COL23A1: variants seen among roughly 807,000 people sequenced by gnomAD.
COL23A1 encodes the protein collagen alpha-1(XXIII) chain.
In COL23A1, 97 loss-of-function variants were observed where a neutral mutation model predicts 99.3. That is an observed-to-expected ratio of 0.98 (90% CI 0.83 to 1.16). The LOEUF is 1.16. Among genes scored for constraint, COL23A1 ranks in the 50% most tolerant of loss-of-function variants. The pLI, the probability that COL23A1 is intolerant of heterozygous loss-of-function variation, is 0.00. For missense variants in COL23A1, 762 were observed against 757.4 expected, an observed-to-expected ratio of 1.01 and a Z score of -0.07; for synonymous variants, 320 against 308.2, an observed-to-expected ratio of 1.04 and a Z score of -0.40.
intron 2 of COL23A1, among the ~76,000 whole-genome samples, chr5:178,488,664 A>G (rs1757761364): frequency 6.6e-6 from 1 of 150,646 alleles, no homozygotes; most frequent in African/African-American, 2.5e-5. Flanking sequence ...AAGCACACAT[A>G]TATGCCTATG....
At chr5:178,490,234 A>C (rs1353557465) in intron 2 of COL23A1, among the ~76,000 whole-genome samples, 1 of 150,964 alleles carries the variant, frequency 6.6e-6, no homozygotes, top group Non-Finnish European at 1.5e-5. Flanking sequence ...CTCAAAAAAA[A>C]CAAAAAACAA....
At chr5:178,360,096 G>A (rs1425337843) in intron 2 of COL23A1, among the ~76,000 whole-genome samples, 2 of 152,180 alleles carry the variant, frequency 1.3e-5, no homozygotes, top group Non-Finnish European at 2.9e-5. Flanking sequence ...CTTCTCAAAT[G>A]TCCTGGGATG....
chr5:178,403,682 T>C (rs1011901161), intron 2 of COL23A1, among the ~76,000 whole-genome samples: 1 of 152,256 alleles, frequency 6.6e-6, no homozygotes, highest in African/African-American at 2.4e-5. Flanking sequence ...AGTTCCTGGC[T>C]GAGATGCCTC....
At chr5:178,521,552 C>CAAAAA (rs5873620) in intron 2 of COL23A1, among the ~76,000 whole-genome samples, 1 of 113,336 alleles carries the variant, frequency 8.8e-6, no homozygotes. Flanking sequence ...GACTCCATCT[C>CAAAAA]AAAAAAAAAA....
chr5:178,246,735 G>C (rs117254498), intron 22 of COL23A1, among the ~76,000 whole-genome samples: 9 of 82,970 alleles, frequency 1.1e-4, no homozygotes, highest in African/African-American at 2.9e-4. Context: ...GGGCGGGGGG[G>C]GGGGGACAGG....
chr5:178,446,871 CAA>C lies in COL23A1; in HGVS notation c.361+113809_361+113810del, dbSNP rs149106212. On this transcript the variant is annotated intron_variant, in intron 2 of 28. Transcript: ENST00000390654. ...AATAGTACACACCTACTGAATGACT[CAA>C]GAGAATTTTTAGGAAAAGCCTTAAC... Among the ~76,000 whole-genome samples, 387 of 152,156 alleles carry C rather than the reference CAA, an allele frequency of 2.5e-3. 2 individuals carry two copies. Among genetic ancestry groups the C allele is most frequent in the African/African-American group, 8.6e-3 (358 of 41,510 alleles).
chr5:178,291,672 G>A (rs1757466376), intron 3 of COL23A1, among the ~76,000 whole-genome samples: 1 of 152,166 alleles, frequency 6.6e-6, no homozygotes, highest in Admixed American at 6.6e-5. Context: ...TCTGCAAGGA[G>A]GAGCGATGGG....
rs1038793205 is a variant in COL23A1, at chr5:178,531,015, G to A, written c.361+29667C>T. 3.9e-5 allele frequency among the ~76,000 whole-genome samples: 6 copies of A among 152,096 alleles called. No homozygotes were observed. The South Asian group carries it at 8.3e-4, about 21-fold the overall frequency. ...CCCAAGTAGCTGGGATTACAGGCAC[G>A]CGCCACCACGCCTGGCTAATTTTGT... On this transcript the variant is annotated intron_variant, in intron 2 of 28. Transcript: ENST00000390654.
chr5:178,501,999 C>A lies in COL23A1; in HGVS notation c.361+58683G>T, dbSNP rs373434550. ...AAGAAGGTGTCAATAGGACAAAGAC[C>A]GACAATCTGATAGGGAATAGGCAAA... On this transcript the variant is annotated intron_variant, in intron 2 of 28. Coordinates refer to ENST00000390654, the MANE Select transcript of COL23A1 (RefSeq NM_173465.4). Among the ~76,000 whole-genome samples the A allele has an allele frequency of 1.2e-4, 19 of 152,280 alleles. 1 individual carries two copies. Among genetic ancestry groups the A allele is most frequent in the African/African-American group, 4.6e-4 (19 of 41,558 alleles).
At position 178,384,591 on chromosome 5, in the gene COL23A1, C is replaced by T. The variant is rs532396683; in HGVS notation, c.362-77672G>A. Reference sequence around the variant, plus strand: ...TCCCTGCTCCTGCGCTGATTCTGCTCCTGCCTCAGAGATCACGGTTTGACA... The same window carrying T: ...TCCCTGCTCCTGCGCTGATTCTGCTTCTGCCTCAGAGATCACGGTTTGACA... On this transcript the variant is annotated intron_variant, in intron 2 of 28. Transcript: ENST00000390654. This position sits in a 1 kb window ranked among gnomAD's most constrained non-coding sequence, Gnocchi z 5.5. 5.3e-5 allele frequency among the ~76,000 whole-genome samples: 8 copies of T among 152,322 alleles called. No homozygotes were observed. In the South Asian group the frequency reaches 8.3e-4, roughly 16 times the overall value.
chr5:178,391,676 G>A (rs944951031), intron 2 of COL23A1, among the ~76,000 whole-genome samples: 1 of 152,062 alleles, frequency 6.6e-6, no homozygotes, highest in Non-Finnish European at 1.5e-5. Flanking sequence ...AGTCTGGCAG[G>A]TGCTCAAATG....
chr5:178,299,733 T>A (rs966473690), intron 3 of COL23A1, among the ~76,000 whole-genome samples: 2 of 151,866 alleles, frequency 1.3e-5, no homozygotes, highest in Admixed American at 6.5e-5. Context: ...TTTTATTTTT[T>A]AATTTTTATT....
chr5:178,578,805 G>A lies in COL23A1; in HGVS notation c.294+11099C>T, dbSNP rs143039649. ...CATTTCGCCGTGTTGCCGCCATACC[G>A]CATGATTATAAAAGCAGACTTTTTT... is the stretch of plus-strand genomic sequence containing the variant. On this transcript the variant is annotated intron_variant, in intron 1 of 28. Transcript: ENST00000390654. Among the ~76,000 whole-genome samples, 36 of 149,980 alleles carry A rather than the reference G, an allele frequency of 2.4e-4. No homozygotes were observed. The East Asian group carries it at 7.1e-3, about 29-fold the overall frequency.
intron 2 of COL23A1, among the ~76,000 whole-genome samples, chr5:178,503,646 G>A (rs1274630317): frequency 6.6e-6 from 1 of 152,176 alleles, no homozygotes; most frequent in Admixed American, 6.5e-5. Flanking sequence ...GTGCCTGTGT[G>A]TGCGAAAAGG....
chr5:178,585,478 A>G (rs975957112), intron 1 of COL23A1, among the ~76,000 whole-genome samples: 2 of 130,404 alleles, frequency 1.5e-5, no homozygotes, highest in East Asian at 4.5e-4. Flanking sequence ...TGGGGGTAAC[A>G]CTCCACAGCC....
chr5:178,252,113 C>T (rs1455143556), intron 17 of COL23A1, among the ~76,000 whole-genome samples: 1 of 151,934 alleles, frequency 6.6e-6, no homozygotes. Context: ...CAGAGTTTCA[C>T]CATGTTGGCC....
chr5:178,320,956 G>A lies in COL23A1; in HGVS notation c.362-14037C>T, dbSNP rs530165024. Among the ~76,000 whole-genome samples the A allele has an allele frequency of 1.4e-4, 22 of 152,360 alleles. No individual in the cohort carries two copies. The South Asian group carries it at 4.6e-3, about 32-fold the overall frequency. ...GGGCAGGCTGTGCGCTCAGCCATAG[G>A]TGGTTCTTTGTCCTTGCCCTGAGAG... On this transcript the variant is annotated intron_variant, in intron 2 of 28. Transcript: ENST00000390654.
At chr5:178,243,338 A>G (rs1764509349) in intron 25 of COL23A1, among the ~76,000 whole-genome samples, 1 of 151,136 alleles carries the variant, frequency 6.6e-6, no homozygotes, top group Non-Finnish European at 1.5e-5. Flanking sequence ...AATACAAAAA[A>G]TTAGCCGTCC....
chr5:178,527,800 C>T (rs536619054), intron 2 of COL23A1, among the ~76,000 whole-genome samples: 32 of 152,324 alleles, frequency 2.1e-4, no homozygotes, highest in African/African-American at 6.7e-4. Context: ...GGAAACCTGG[C>T]GGAAGCCTGA....
Sources: allele counts gnomAD v4.1 joint callset (sites outside exome capture counted in the v4.1 genomes callset), GRCh38; gene constraint gnomAD v4.1.1; non-coding constraint Gnocchi (gnomAD v3.1); transcripts MANE v1.5; gene names NCBI Gene and HGNC (gene_info 2026-07-23, HGNC 2026-07-21).